Variants in DOCK6 observed in about 807,000 individuals in gnomAD.
DOCK6 encodes the protein dedicator of cytokinesis protein 6.
DOCK6 carries 167 observed loss-of-function variants against 230.3 expected under a neutral mutation model. That is an observed-to-expected ratio of 0.73 (90% CI 0.64 to 0.82). The LOEUF is 0.82. Among genes scored for constraint, DOCK6 ranks in the 40% least tolerant of loss-of-function variants. DOCK6 has a pLI of 0.00. For synonymous variants in DOCK6, 1,148 were observed against 1,185.0 expected, an observed-to-expected ratio of 0.97 and a Z score of 0.64; for missense variants, 2,598 against 2,825.8, an observed-to-expected ratio of 0.92 and a Z score of 1.83.
intron 39 of DOCK6, 119 bp downstream of exon 39, chr19:11,208,567 C>G (rs1012647922): frequency 7.1e-7 from 1 of 1,408,370 alleles, no homozygotes; most frequent in African/African-American, 1.4e-5. Context: ...GCGTGAGCCA[C>G]CGCGCCCAGC....
Position 11,237,864 on chromosome 19 carries a change from G to A in DOCK6, c.1833-85C>T. The stretch of plus-strand genomic sequence containing the variant: ...ACCTCTGCCATGCCACGCCCTTATT[G>A]CTGCTAGGCCCCACTGTCTCTGCTG... On this transcript the variant is annotated intron_variant, in intron 16 of 47. Coordinates refer to ENST00000294618, the MANE Select transcript of DOCK6 (RefSeq NM_020812.4). 3 of 1,461,808 alleles carry A rather than the reference G, an allele frequency of 2.1e-6. No homozygotes were observed. The Admixed American group carries it at 5.9e-5, about 29-fold the overall frequency. The allele number at this position is 1,461,808 out of a possible 1,614,324, so 90.6% of individuals were successfully genotyped here. A position where few individuals can be genotyped will look rare whatever the true frequency, so the allele number is the denominator to read the frequency against.
At chr19:11,221,696 T>A (rs536708234) in intron 28 of DOCK6, 155 bp downstream of exon 28, 11 of 1,091,862 alleles carry the variant, frequency 1.0e-5, no homozygotes, top group Admixed American at 8.5e-5. Flanking sequence ...AGAGATGTTA[T>A]GACTTAAGTA....
chr19:11,214,558 C>CCAT lies in DOCK6; in HGVS notation c.4197_4198insATG (p.Ile1399_Val1400insMet). 6.2e-7 allele frequency: 1 copy of CCAT among 1,613,878 alleles called. No individual in the cohort carries two copies. The highest frequency in any genetic ancestry group is 8.5e-7 in the Non-Finnish European group (1 of 1,179,870). Reference sequence around the variant, plus strand: ...GATGCTGGATCAAGCCCTACCTGCACGATGATCTCCAGTGTGTCCAGAACC... The same window carrying CCAT: ...GATGCTGGATCAAGCCCTACCTGCACCATGATGATCTCCAGTGTGTCCAGAACC... On this transcript the variant is annotated inframe_insertion, in exon 33 of 48. Transcript: ENST00000294618.
At chr19:11,241,348 G>T in intron 14 of DOCK6, 1 of 749,176 alleles carries the variant, frequency 1.3e-6, no homozygotes, top group South Asian at 1.6e-5. Context: ...TTGTTGACTT[G>T]CTGGGTCACA....
At chr19:11,249,381 C>T (rs1297416358) in intron 6 of DOCK6, among the ~76,000 whole-genome samples, 3 of 151,566 alleles carry the variant, frequency 2.0e-5, no homozygotes, top group South Asian at 2.1e-4. Context: ...CATAGTGGCA[C>T]GTGCCTGTAG....
chr19:11,253,774 C>T (rs370751342), intron 1 of DOCK6, 48 bp from the exon 2 acceptor site: 22 of 1,266,470 alleles, frequency 1.7e-5, no homozygotes, highest in African/African-American at 9.5e-5. Context: ...ACTCAGGCAG[C>T]GGAGCGGACA....
Position 11,252,477 on chromosome 19 carries a change from C to T in DOCK6, c.377+5G>A, listed in dbSNP as rs757454260. On this transcript the variant is annotated splice_donor_5th_base_variant and intron_variant, in intron 4 of 47. Transcript: ENST00000294618. Reference sequence around the variant, plus strand: ...CCCCCTGAGCTGCCCCTAAGTCAGACTCACCTTCTGTGGACAATGACCCAG... The same window carrying T: ...CCCCCTGAGCTGCCCCTAAGTCAGATTCACCTTCTGTGGACAATGACCCAG... The T allele has an allele frequency of 3.7e-6, 6 of 1,613,878 alleles. No individual in the cohort carries two copies. The East Asian group carries it at 8.9e-5, about 24-fold the overall frequency.
Position 11,222,187 on chromosome 19 carries a change from C to G in DOCK6, c.3302G>C (p.Gly1101Ala). Reference protein sequence around the residue: ...PKVTSMFELSGPFRQQHFLAG... With the variant: ...PKVTSMFELSAPFRQQHFLAG... ...TAGGAAGTGCTGCTGCCGGAATGGT[C>G]CACTCAGTTCGAACATGCTGGTCAC... is the stretch of plus-strand genomic sequence containing the variant. Residue 1101 changes from glycine (G) to alanine (A), a missense_variant, in exon 27 of 48, where the codon GGA (glycine) becomes GCA (alanine). Coordinates refer to ENST00000294618, the MANE Select transcript of DOCK6 (RefSeq NM_020812.4). The surrounding 1 kb of genome is among the most constrained non-coding windows in gnomAD (Gnocchi z 4.0). 1 of 1,608,456 alleles carries G rather than the reference C, an allele frequency of 6.2e-7. No homozygotes were observed. Among genetic ancestry groups the G allele is most frequent in the Non-Finnish European group, 8.5e-7 (1 of 1,177,658 alleles).
rs768071135 is a variant in DOCK6, at chr19:11,252,530, C to A, written c.329G>T (p.Arg110Met). 1.2e-6 allele frequency: 2 copies of A among 1,613,904 alleles called. No individual in the cohort carries two copies. The highest frequency in any genetic ancestry group is 1.7e-6 in the Non-Finnish European group (2 of 1,179,892). The change falls in exon 4 of 48, where the codon AGG becomes ATG. Residue 110 changes from arginine (R) to methionine (M), a missense_variant. Physicochemically the swap from Arg to Met is moderately conservative, Grantham distance 91 (BLOSUM62 -1). Transcript: ENST00000294618. The stretch of plus-strand genomic sequence containing the variant: ...CTCAATATACATCTCCACCGCGGCC[C>A]TCACCTGGGCATCCAGTTTTCTGCA... ...PKDEKLDAQV[R>M]AAVEMYIEDW...
intron 1 of DOCK6, among the ~76,000 whole-genome samples, chr19:11,257,549 G>C (rs957719915): frequency 6.6e-6 from 1 of 151,572 alleles, no homozygotes; most frequent in African/African-American, 2.4e-5. Context: ...AGCACTTCGG[G>C]AGGCCGAGGC....
chr19:11,253,014 C>A, intron 2 of DOCK6, 56 bp from the exon 3 acceptor site: 2 of 1,529,284 alleles, frequency 1.3e-6, no homozygotes, highest in Non-Finnish European at 1.8e-6. Flanking sequence ...AGAGTGGGGG[C>A]ACGAGGCAGG....
Position 11,200,382 on chromosome 19 carries a change from G to A in DOCK6, c.6027C>T (p.Arg2009=), listed in dbSNP as rs1281421729. The change falls in exon 47 of 48, where the codon CGC becomes CGT. Residue 2009 remains arginine, a synonymous_variant. Coordinates refer to ENST00000294618, the MANE Select transcript of DOCK6 (RefSeq NM_020812.4). This position sits in a 1 kb window ranked among gnomAD's most constrained non-coding sequence, Gnocchi z 4.3. The part of the protein sequence containing the change: ...YHRELERNYC[R]LREALQPLLT... ...GCAGGGGCTGCAGAGCCTCCCGCAG[G>A]CGGCAGTAGTTGCGCTCCAGCTCAC... 6.2e-7 allele frequency: 1 copy of A among 1,602,450 alleles called. No individual in the cohort carries two copies. Among genetic ancestry groups the A allele is most frequent in the Non-Finnish European group, 8.5e-7 (1 of 1,174,864 alleles).
chr19:11,256,872 T>G (rs956421353), intron 1 of DOCK6, among the ~76,000 whole-genome samples: 2 of 151,122 alleles, frequency 1.3e-5, no homozygotes, highest in African/African-American at 2.4e-5. Flanking sequence ...AGAGATGGGG[T>G]TTCATCATCT....
Position 11,201,447 on chromosome 19 carries a change from C to A in DOCK6, c.5689-395G>T, listed in dbSNP as rs1264361358. On this transcript the variant is annotated intron_variant, in intron 44 of 47. Coordinates refer to ENST00000294618, the MANE Select transcript of DOCK6 (RefSeq NM_020812.4). This position sits in a 1 kb window ranked among gnomAD's most constrained non-coding sequence, Gnocchi z 4.3. ...CCTGGGCCTTCTTAGATTTGGAGTC[C>A]CTGTGCCTCCCCTTTGTGAGTCTAG... Among the ~76,000 whole-genome samples, 1 of 151,810 alleles carries A rather than the reference C, an allele frequency of 6.6e-6. No individual in the cohort carries two copies. Among genetic ancestry groups the A allele is most frequent in the African/African-American group, 2.4e-5 (1 of 41,300 alleles).
In DOCK6 at chr19:11,243,195, G is replaced by A; in HGVS notation, c.1387-43C>T. On this transcript the variant is annotated intron_variant, in intron 12 of 47. Coordinates refer to ENST00000294618, the MANE Select transcript of DOCK6 (RefSeq NM_020812.4). The surrounding 1 kb of genome is among the most constrained non-coding windows in gnomAD (Gnocchi z 6.3). ...CCGTCAGCCTGGGCCAGGGGGCTAG[G>A]GGTCCCCAGGGCTAATGCAGCCAGC... The A allele has an allele frequency of 6.2e-7, 1 of 1,613,160 alleles. No homozygotes were observed. The highest frequency in any genetic ancestry group is 1.3e-5 in the African/African-American group (1 of 75,026).
At chr19:11,255,911 T>C (rs1328261419) in intron 1 of DOCK6, among the ~76,000 whole-genome samples, 2 of 152,120 alleles carry the variant, frequency 1.3e-5, no homozygotes, top group Non-Finnish European at 2.9e-5. Context: ...CTCAGCCTCC[T>C]GAGTAGCTGG....
At chr19:11,257,559 C>T (rs1231870238) in intron 1 of DOCK6, among the ~76,000 whole-genome samples, 1 of 145,980 alleles carries the variant, frequency 6.9e-6, no homozygotes, top group Non-Finnish European at 1.5e-5. Flanking sequence ...GAGGCCGAGG[C>T]GGGCAGATCA....
rs1473858640 is a variant in DOCK6, at chr19:11,259,525, C to T, written c.44+2872G>A. Among the ~76,000 whole-genome samples, 3 of 150,352 alleles carry T rather than the reference C, an allele frequency of 2.0e-5. No individual in the cohort carries two copies. The East Asian group carries it at 5.8e-4, about 29-fold the overall frequency. On this transcript the variant is annotated intron_variant, in intron 1 of 47. Transcript: ENST00000294618. The stretch of plus-strand genomic sequence containing the variant: ...TTGTCAATAAATACCTCATTTTCTT[C>T]CCACCCCTCCAATGAATCATTATTT...
intron 2 of DOCK6, 103 bp downstream of exon 2, chr19:11,253,536 A>G: frequency 1.4e-6 from 1 of 726,098 alleles, no homozygotes; most frequent in Non-Finnish European, 2.1e-6. Context: ...CCCCCAGGAC[A>G]GGCCACAGGA....
Sources: gnomAD v4.1 joint callset for allele counts (sites outside exome capture counted in the v4.1 genomes callset) on GRCh38, gnomAD v4.1.1 for gene constraint, Gnocchi (gnomAD v3.1) non-coding constraint, MANE v1.5 for transcripts, NCBI Gene and HGNC (gene_info 2026-07-23, HGNC 2026-07-21) for gene names.